The following TM2D1 variants were observed in gnomAD, a reference collection of about 807,000 sequenced individuals.
The protein encoded by TM2D1 is TM2 domain-containing protein 1.
TM2D1 carries 15 observed loss-of-function variants against 28.4 expected under a neutral mutation model. The ratio of observed to expected loss-of-function variants is 0.53; its 90% confidence interval spans 0.35 to 0.81. TM2D1 has a LOEUF of 0.81. TM2D1 is among the 40% of genes least tolerant of loss of function. TM2D1 has a pLI of 0.01. For synonymous variants in TM2D1, 93 were observed against 96.2 expected, an observed-to-expected ratio of 0.97 and a Z score of 0.20; for missense variants, 236 against 254.9, an observed-to-expected ratio of 0.93 and a Z score of 0.50.
chr1:61,690,853 T>C (rs1644318793), intron 5 of TM2D1, among the ~76,000 whole-genome samples: 3 of 152,182 alleles, frequency 2.0e-5, no homozygotes, highest in Admixed American at 1.3e-4. Context: ...TCATGAAACA[T>C]ACTTTACCAG....
intron 5 of TM2D1, among the ~76,000 whole-genome samples, chr1:61,688,177 A>C (rs772111072): frequency 7.9e-5 from 12 of 152,232 alleles, no homozygotes; most frequent in Non-Finnish European, 1.3e-4. Context: ...ATCCTGAGGA[A>C]AACATAGCAT....
At chr1:61,695,080 G>A (rs1434181162) in intron 4 of TM2D1, among the ~76,000 whole-genome samples, 1 of 151,786 alleles carries the variant, frequency 6.6e-6, no homozygotes, top group Non-Finnish European at 1.5e-5. Context: ...TTAAATCTCA[G>A]TACACCAGAG....
chr1:61,722,432 G>A (rs1291303788), intron 2 of TM2D1, among the ~76,000 whole-genome samples: 12 of 152,240 alleles, frequency 7.9e-5, no homozygotes, highest in Admixed American at 6.5e-4. Context: ...GCAATGGCGC[G>A]ATCTCGGCTC....
At position 61,709,331 on chromosome 1, in the gene TM2D1, A is replaced by G; in HGVS notation, c.345T>C (p.Asn115=). ...VGFFKPISCR[N]VNGYSYKVAV... Reference sequence around the variant, plus strand: ...TTAAGTTTCAGTAATGTACTTACACATTTCGGCAAGATATGGGCTTGAAAA... The same window carrying G: ...TTAAGTTTCAGTAATGTACTTACACGTTTCGGCAAGATATGGGCTTGAAAA... The change falls in exon 3 of 7, where the codon AAT becomes AAC. Residue 115 remains asparagine, a splice_region_variant and synonymous_variant. Coordinates refer to ENST00000606498, the MANE Select transcript of TM2D1 (RefSeq NM_032027.3). The G allele has an allele frequency of 6.2e-7, 1 of 1,604,142 alleles. No homozygotes were observed. The highest frequency in any genetic ancestry group is 8.5e-7 in the Non-Finnish European group (1 of 1,171,590).
chr1:61,701,715 A>G (rs1425394332), intron 3 of TM2D1, among the ~76,000 whole-genome samples: 1 of 152,132 alleles, frequency 6.6e-6, no homozygotes, highest in Non-Finnish European at 1.5e-5. Context: ...GGAGCACCTC[A>G]TCTACAATGG....
chr1:61,702,656 C>T (rs1644410328), intron 3 of TM2D1, among the ~76,000 whole-genome samples: 1 of 151,008 alleles, frequency 6.6e-6, no homozygotes, highest in Non-Finnish European at 1.5e-5. Flanking sequence ...GAATGAGCCA[C>T]CATGCCTGGT....
intron 4 of TM2D1, chr1:61,700,385 G>A: frequency 8.0e-7 from 1 of 1,251,904 alleles, no homozygotes; most frequent in Non-Finnish European, 1.0e-6. Context: ...AATGTAAATA[G>A]TTTTCATAAG....
Position 61,703,435 on chromosome 1 carries a change from C to CA in TM2D1, c.348-2411dup, listed in dbSNP as rs1644417629. On this transcript the variant is annotated intron_variant, in intron 3 of 6. Transcript: ENST00000606498. ...ATAATTTTTTTTTTTTTTTTTGAGACAGAGTCTCACTCTGTTGCCCAGGAT... is the reference window on the plus strand; with the variant it reads ...ATAATTTTTTTTTTTTTTTTTGAGACAAGAGTCTCACTCTGTTGCCCAGGAT... 3.1e-5 allele frequency among the ~76,000 whole-genome samples: 4 copies of CA among 129,310 alleles called. No homozygotes were observed. In the South Asian group the frequency reaches 9.4e-4, roughly 30 times the overall value. The allele number at this position is 129,310 out of a possible 152,430, so 84.8% of individuals were successfully genotyped here.
chr1:61,722,602 C>T (rs890925531), intron 2 of TM2D1, among the ~76,000 whole-genome samples: 2 of 152,228 alleles, frequency 1.3e-5, no homozygotes, highest in South Asian at 2.1e-4. Context: ...CTCCTGACCT[C>T]GTGATCCACC....
At chr1:61,704,614 T>A (rs1570112834) in intron 3 of TM2D1, among the ~76,000 whole-genome samples, 1 of 151,860 alleles carries the variant, frequency 6.6e-6, no homozygotes, top group East Asian at 2.0e-4. Flanking sequence ...GTATTTTCAG[T>A]AGAGACAGGG....
intron 2 of TM2D1, among the ~76,000 whole-genome samples, chr1:61,717,369 A>G (rs1209037039): frequency 2.2e-5 from 3 of 136,304 alleles, no homozygotes; most frequent in South Asian, 2.2e-4. Flanking sequence ...CTCCGCCTCA[A>G]AAAAAAAAAA....
intron 4 of TM2D1, chr1:61,698,890 T>C (rs1003927514): frequency 3.9e-5 from 6 of 152,062 alleles, no homozygotes; most frequent in South Asian, 2.1e-4. Context: ...CAGCAAAAAA[T>C]TGAATTTTAG....
Position 61,694,777 on chromosome 1 carries a change from A to T in TM2D1, c.440-7T>A. The T allele has an allele frequency of 7.0e-6, 11 of 1,580,860 alleles. No homozygotes were observed. Among genetic ancestry groups the T allele is most frequent in the Non-Finnish European group, 8.6e-6 (10 of 1,164,528 alleles). ...GTGCAAAACTTTAACAAACCTAGAA[A>T]AGAAGGTAAAGTCATTTATAATCTG... On this transcript the variant is annotated splice_polypyrimidine_tract_variant and splice_region_variant and intron_variant, in intron 4 of 6. Coordinates refer to ENST00000606498, the MANE Select transcript of TM2D1 (RefSeq NM_032027.3).
At chr1:61,711,284 C>T (rs1644476599) in intron 2 of TM2D1, among the ~76,000 whole-genome samples, 1 of 149,196 alleles carries the variant, frequency 6.7e-6, no homozygotes, top group Non-Finnish European at 1.5e-5. Context: ...GAGCCGAGAT[C>T]GCACCATTGC....
intron 5 of TM2D1, among the ~76,000 whole-genome samples, chr1:61,689,469 A>G (rs1644308497): frequency 6.6e-6 from 1 of 152,128 alleles, no homozygotes; most frequent in Non-Finnish European, 1.5e-5. Context: ...TCTCAGGCTC[A>G]AGTGATCCTC....
intron 2 of TM2D1, among the ~76,000 whole-genome samples, chr1:61,714,719 T>A (rs1644504410): frequency 6.6e-6 from 1 of 152,150 alleles, no homozygotes; most frequent in South Asian, 2.1e-4. Context: ...CAAGCCTGGC[T>A]AATTTTTGTA....
chr1:61,716,629 C>G (rs927505924), intron 2 of TM2D1, among the ~76,000 whole-genome samples: 12 of 148,604 alleles, frequency 8.1e-5, no homozygotes, highest in African/African-American at 2.7e-4. Flanking sequence ...AGATTCCCCA[C>G]TCTAGGAAAT....
intron 2 of TM2D1, 54 bp downstream of exon 2, chr1:61,723,641 AGTGATCATACATTGACCT>A: frequency 1.4e-6 from 1 of 733,744 alleles, no homozygotes; most frequent in Admixed American, 3.2e-5. Flanking sequence ...AATTGCCTTT[AGTGATCATACATTGACCT>A]ATGAAATAAT....
intron 5 of TM2D1, among the ~76,000 whole-genome samples, chr1:61,686,361 C>A (rs1311045792): frequency 6.6e-6 from 1 of 151,998 alleles, no homozygotes; most frequent in East Asian, 1.9e-4. Flanking sequence ...ATCCACATTC[C>A]TTTGCCAAAT....
Sources: gnomAD v4.1 joint callset for allele counts (sites outside exome capture counted in the v4.1 genomes callset) on GRCh38, gnomAD v4.1.1 for gene constraint, MANE v1.5 for transcripts, NCBI Gene and HGNC (gene_info 2026-07-23, HGNC 2026-07-21) for gene names.